Variants in KCNK17 observed in about 807,000 individuals in gnomAD.
KCNK17 encodes potassium channel subfamily K member 17.
Under a neutral mutation model 24.6 loss-of-function variants are expected in KCNK17, and 27 were observed. The ratio of observed to expected loss-of-function variants is 1.10; its 90% CI spans 0.81 to 1.51. The LOEUF is 1.51. KCNK17 is among the 40% of genes most tolerant of loss of function. KCNK17 has a pLI of 0.00. For synonymous variants in KCNK17, 181 were observed against 189.8 expected (o/e 0.95, Z 0.38); for missense variants, 450 against 436.6 (o/e 1.03, Z -0.27).
intron 2 of KCNK17, among the ~76,000 whole-genome samples, chr6:39,310,219 C>T (rs747835246): frequency 1.4e-4 from 21 of 152,158 alleles, no homozygotes; most frequent in Non-Finnish European, 2.4e-4. Context: ...AGGGATCTAG[C>T]CTGCTCTTCT....
intron 2 of KCNK17, among the ~76,000 whole-genome samples, chr6:39,307,875 A>G (rs1762061668): frequency 6.6e-6 from 1 of 151,642 alleles, no homozygotes; most frequent in African/African-American, 2.4e-5. Flanking sequence ...ACCTACCTGG[A>G]CCTCCTTACT....
rs542903877 is a variant in KCNK17 at position 39,311,579 on chromosome 6, G to A, written c.238-572C>T. Among the ~76,000 whole-genome samples the A allele has an allele frequency of 1.6e-4, 24 of 152,306 alleles. No homozygotes were observed. The East Asian group carries it at 4.4e-3, about 28-fold the overall frequency. ...ATACAAATAGTACCTACTTCATAGA[G>A]TTGTTGTGTTAAATAAGGTATTATG... On this transcript the variant is annotated intron_variant, in intron 1 of 4. Transcript: ENST00000373231.
At position 39,299,456 on chromosome 6, in the gene KCNK17, G is replaced by C. The variant is rs140036811; in HGVS notation, c.970C>G (p.His324Asp). The part of the protein sequence containing the change: ...GIIQHLEPSA[H>D]AAGCGKDS ...CTGTCCTTGCCACAGCCTGCAGCGT[G>C]AGCAGAAGGTTCCAGATGCTGTATG... The change falls in exon 5 of 5, where the codon CAC becomes GAC. Residue 324 changes from histidine to aspartate, a missense_variant. Transcript: ENST00000373231. 6.9e-5 allele frequency: 111 copies of C among 1,613,960 alleles called. No homozygotes were observed. In the African/African-American group the frequency reaches 1.3e-3, roughly 19 times the overall value.
Position 39,306,778 on chromosome 6 carries a change from T to A in KCNK17, c.353-2123A>T, listed in dbSNP as rs576291202. 1.0e-4 allele frequency among the ~76,000 whole-genome samples: 15 copies of A among 150,300 alleles called. No homozygotes were observed. In the East Asian group the frequency reaches 2.5e-3, roughly 25 times the overall value. On this transcript the variant is annotated intron_variant, in intron 2 of 4. Transcript: ENST00000373231. The stretch of plus-strand genomic sequence containing the variant: ...TCTTTCTTTCTTTGTTTTTTTTTTT[T>A]TTTTTGTGACAGAGTCTTGCTCTGT...
Position 39,304,576 on chromosome 6 carries a change from G to A in KCNK17, c.432C>T (p.Asn144=), listed in dbSNP as rs747014163. 1.9e-6 allele frequency: 3 copies of A among 1,614,150 alleles called. No individual in the cohort carries two copies. Among genetic ancestry groups the A allele is most frequent in the African/African-American group, 2.7e-5 (2 of 75,052 alleles). ...GCCCCAGTCGGTTGAGCACCACGAG[G>A]TTGAGTGGGATCCCCACAAGGGCAA... ...IFFALVGIPL[N]LVVLNRLGHL... is the part of the protein sequence containing the mutation. Residue 144 remains asparagine, a synonymous_variant, in exon 3 of 5, where the codon AAC becomes AAT. Coordinates refer to ENST00000373231, the MANE Select transcript of KCNK17 (RefSeq NM_031460.4).
At chr6:39,304,695 A>C (rs1459111627) in intron 2 of KCNK17, 40 bp from the exon 3 acceptor site, 1 of 1,591,590 alleles carries the variant, frequency 6.3e-7, no homozygotes, top group Non-Finnish European at 8.6e-7. Context: ...TTTCCAGCCC[A>C]GCCCTGTCCA....
At position 39,314,378 on chromosome 6, in the gene KCNK17, A is replaced by T. The variant is rs927526508; in HGVS notation, c.-58T>A. ...GGTGGACTAGGACCCGGTGGGAGGG[A>T]AGGGCCAGGCGTCCAGCTCGTATCT... On this transcript the variant is annotated 5_prime_UTR_variant, in exon 1 of 5. Coordinates refer to ENST00000373231, the MANE Select transcript of KCNK17 (RefSeq NM_031460.4). 36 of 1,232,658 alleles carry T rather than the reference A, an allele frequency of 2.9e-5. No homozygotes were observed. In the Middle Eastern group the frequency reaches 1.1e-3, roughly 39 times the overall value. The allele number at this position is 1,232,658 out of a possible 1,614,324, so 76.4% of individuals were successfully genotyped here. A position where few individuals can be genotyped will look rare whatever the true frequency, so the allele number is the denominator to read the frequency against.
chr6:39,304,002 C>T lies in KCNK17; in HGVS notation c.643G>A (p.Ala215Thr), dbSNP rs144253577. The T allele has an allele frequency of 3.5e-5, 56 of 1,613,750 alleles. 1 individual carries two copies. The highest frequency in any genetic ancestry group is 4.2e-5 in the Non-Finnish European group (49 of 1,179,998). Residue 215 changes from alanine to threonine, a missense_variant, in exon 4 of 5, where the codon GCC becomes ACC. Transcript: ENST00000373231. The stretch of plus-strand genomic sequence containing the variant: ...CCCACGGTGCTGAGGGTGATGAAGG[C>T]GAAGTAGAAGCCCTCTGTGTAGCTC... ...GWSYTEGFYF[A>T]FITLSTVGFG...
chr6:39,311,072 GCACACACACACACACACACACACA>G lies in KCNK17; in HGVS notation c.238-89_238-66del, dbSNP rs59086835. On this transcript the variant is annotated intron_variant, in intron 1 of 4. Coordinates refer to ENST00000373231, the MANE Select transcript of KCNK17 (RefSeq NM_031460.4). ...TGATGGATTTCCTGTACCCCAAGAT[GCACACACACACACACACACACACA>G]CACACACACACACACACACACACAA... The G allele has an allele frequency of 1.8e-3, 956 of 518,824 alleles. 6 individuals are homozygous for G. Among genetic ancestry groups the G allele is most frequent in the African/African-American group, 0.011 (531 of 49,058 alleles). 32.1% of individuals were successfully genotyped at this position (518,824 alleles called of 1,614,324 possible). A position where few individuals can be genotyped will look rare whatever the true frequency, so the allele number is the denominator to read the frequency against.
intron 2 of KCNK17, among the ~76,000 whole-genome samples, chr6:39,308,832 G>A (rs943904901): frequency 2.6e-5 from 4 of 152,170 alleles, no homozygotes; most frequent in African/African-American, 7.2e-5. Flanking sequence ...TGGCATTCCA[G>A]ATGTACCTCA....
In KCNK17 at chr6:39,310,968, T is replaced by C. The variant is rs756127510; in HGVS notation, c.277A>G (p.Ser93Gly). Residue 93 changes from serine (S) to glycine (G), a missense_variant, in exon 2 of 5, where the codon AGC (serine) becomes GGC (glycine). Transcript: ENST00000373231. ...QAYKNGASLLSNTTSMGRWEL... is the reference protein window; with the variant it reads ...QAYKNGASLLGNTTSMGRWEL... ...CAGCGCCCCATGCTGGTGGTGTTGC[T>C]GAGGAGGCTGGCTCCGTTTTTGTAT... is the stretch of plus-strand genomic sequence containing the variant. 8 of 1,609,036 alleles carry C rather than the reference T, an allele frequency of 5.0e-6. No individual in the cohort carries two copies. In the Admixed American group the frequency reaches 1.3e-4, roughly 27 times the overall value.
Position 39,299,691 on chromosome 6 carries a change from C to T in KCNK17, c.735G>A (p.Val245=), listed in dbSNP as rs61750317. 472 of 1,614,174 alleles carry T rather than the reference C, an allele frequency of 2.9e-4. No homozygotes were observed. Among genetic ancestry groups the T allele is most frequent in the Non-Finnish European group, 3.8e-4 (452 of 1,180,032 alleles). The change falls in exon 5 of 5, where the codon GTG becomes GTA. Residue 245 remains valine (V), a synonymous_variant. Transcript: ENST00000373231. ...CCATCCCAAAGAGGATCCACAGGGA[C>T]ACCATGTTCTTGTACCACAGTGGGT... is the stretch of plus-strand genomic sequence containing the variant. ...QRYPLWYKNM[V]SLWILFGMAW...
rs759553993 is a variant in KCNK17, at chr6:39,299,489, T to A, written c.937A>T (p.Met313Leu). Reference protein sequence around the residue: ...PQQGCYPEGPMGIIQHLEPSA... With the variant: ...PQQGCYPEGPLGIIQHLEPSA... ...GGTTCCAGATGCTGTATGATTCCCATGGGTCCCTCTGGATAGCATCCTTGC... is the reference window on the plus strand; with the variant it reads ...GGTTCCAGATGCTGTATGATTCCCAAGGGTCCCTCTGGATAGCATCCTTGC... Residue 313 changes from methionine (M) to leucine (L), a missense_variant, in exon 5 of 5, where the codon ATG (methionine) becomes TTG (leucine). Coordinates refer to ENST00000373231, the MANE Select transcript of KCNK17 (RefSeq NM_031460.4). 3.7e-6 allele frequency: 6 copies of A among 1,614,240 alleles called. No individual in the cohort carries two copies. The South Asian group carries it at 5.5e-5, about 15-fold the overall frequency.
At chr6:39,304,711 C>T in intron 2 of KCNK17, 56 bp from the exon 3 acceptor site, 2 of 1,569,340 alleles carry the variant, frequency 1.3e-6, no homozygotes, top group East Asian at 2.3e-5. Flanking sequence ...GTCCACTCAC[C>T]ACCACAGCCC....
intron 2 of KCNK17, among the ~76,000 whole-genome samples, chr6:39,308,893 C>T (rs562411617): frequency 3.9e-5 from 6 of 152,338 alleles, no homozygotes; most frequent in African/African-American, 1.4e-4. Flanking sequence ...TGTGTAAGTG[C>T]ATACAGGTGT....
chr6:39,300,957 C>T (rs1761942880), intron 4 of KCNK17, among the ~76,000 whole-genome samples: 1 of 152,196 alleles, frequency 6.6e-6, no homozygotes, highest in Non-Finnish European at 1.5e-5. Flanking sequence ...GTTACTTCCT[C>T]ATCTGTAAAA....
At chr6:39,302,173 C>A (rs537590883) in intron 4 of KCNK17, among the ~76,000 whole-genome samples, 1 of 152,158 alleles carries the variant, frequency 6.6e-6, no homozygotes, top group Non-Finnish European at 1.5e-5. Flanking sequence ...TAGCAAGTCT[C>A]CATAGATGTG....
Position 39,314,209 on chromosome 6 carries a change from C to G in KCNK17, c.112G>C (p.Gly38Arg), listed in dbSNP as rs575249030. ...AYLAYLALGTGVFWTLEGRAA... is the reference protein window; with the variant it reads ...AYLAYLALGTRVFWTLEGRAA... ...CGGCCCTCCAGCGTCCAGAACACGC[C>G]GGTGCCCAGCGCCAGGTAAGCCAGG... Residue 38 changes from glycine to arginine, a missense_variant, in exon 1 of 5, where the codon GGC (glycine) becomes CGC (arginine). Physicochemically the swap from Gly to Arg is moderately radical, Grantham distance 125. Transcript: ENST00000373231. The G allele has an allele frequency of 3.9e-6, 6 of 1,544,454 alleles. No individual in the cohort carries two copies. In the Admixed American group the frequency reaches 1.2e-4, roughly 30 times the overall value.
At position 39,304,632 on chromosome 6, in the gene KCNK17, T is replaced by C; in HGVS notation, c.376A>G (p.Thr126Ala). The change falls in exon 3 of 5, where the codon ACG (threonine) becomes GCG (alanine). Residue 126 changes from threonine to alanine, a missense_variant. Physicochemically the swap from Thr to Ala is moderately conservative, Grantham distance 58. Transcript: ENST00000373231. Reference sequence around the variant, plus strand: ...ATGCAGAAGAGGCGGGCAGCCATCGTGTTGGGGCTCAGGTTGCCATAGCCT... The same window carrying C: ...ATGCAGAAGAGGCGGGCAGCCATCGCGTTGGGGCTCAGGTTGCCATAGCCT... ...TIGYGNLSPN[T>A]MAARLFCIFF... is the part of the protein sequence containing the mutation. The C allele has an allele frequency of 6.2e-7, 1 of 1,612,942 alleles. No individual in the cohort carries two copies. Among genetic ancestry groups the C allele is most frequent in the African/African-American group, 1.3e-5 (1 of 75,024 alleles).
Sources: allele counts gnomAD v4.1 joint callset (sites outside exome capture counted in the v4.1 genomes callset), GRCh38; gene constraint gnomAD v4.1.1; transcripts MANE v1.5; gene names NCBI Gene and HGNC (gene_info 2026-07-23, HGNC 2026-07-21).